Variants in LHFPL6 observed in about 807,000 individuals in gnomAD.
LHFPL6 encodes the protein LHFPL tetraspan subfamily member 6.
A neutral mutation model predicts 20.6 loss-of-function variants in LHFPL6; 9 were observed. That is an observed-to-expected ratio of 0.44 (90% CI 0.26 to 0.76). LHFPL6 has a LOEUF of 0.76. Ranked by LOEUF, LHFPL6 falls within the 30% of genes least tolerant of loss-of-function variation. The probability of loss-of-function intolerance (pLI) is 0.20; values close to 1 mark genes in which losing one functional copy is unlikely to be tolerated. For synonymous variants in LHFPL6, 105 were observed against 98.7 expected, an observed-to-expected ratio of 1.06 and a Z score of -0.38; for missense variants, 218 against 253.5, an observed-to-expected ratio of 0.86 and a Z score of 0.95.
chr13:39,543,613 G>A (rs940222527), intron 2 of LHFPL6, among the ~76,000 whole-genome samples: 7 of 142,364 alleles, frequency 4.9e-5, no homozygotes, highest in Admixed American at 7.3e-5. Flanking sequence ...CTGGCCCCCC[G>A]CAGACAAAAA....
At chr13:39,408,058 G>T (rs549363445) in intron 2 of LHFPL6, among the ~76,000 whole-genome samples, 87 of 152,262 alleles carry the variant, frequency 5.7e-4, no homozygotes, top group African/African-American at 2.0e-3. Flanking sequence ...ATGGTCTAAA[G>T]CAGGATGTTT....
intron 2 of LHFPL6, among the ~76,000 whole-genome samples, chr13:39,571,989 T>C (rs1363363980): frequency 6.6e-6 from 1 of 152,000 alleles, no homozygotes; most frequent in East Asian, 1.9e-4. Flanking sequence ...CTGCCGTGAG[T>C]TGGTGAAGGG....
intron 2 of LHFPL6, among the ~76,000 whole-genome samples, chr13:39,452,795 T>G (rs1449168727): frequency 6.6e-6 from 1 of 152,226 alleles, no homozygotes; most frequent in Non-Finnish European, 1.5e-5. Context: ...CCATTGATAG[T>G]ATTATTGGGA....
chr13:39,374,220 T>C (rs1023180909), intron 3 of LHFPL6, among the ~76,000 whole-genome samples: 8 of 152,158 alleles, frequency 5.3e-5, no homozygotes, highest in African/African-American at 1.9e-4. Flanking sequence ...TAATGTCCTT[T>C]GCAGCAACAT....
At chr13:39,384,064 G>A (rs1222436314) in intron 2 of LHFPL6, among the ~76,000 whole-genome samples, 1 of 152,136 alleles carries the variant, frequency 6.6e-6, no homozygotes, top group Non-Finnish European at 1.5e-5. Flanking sequence ...GAAATATCTG[G>A]AGTGGTTTCT....
chr13:39,528,936 A>G (rs1870374628), intron 2 of LHFPL6, among the ~76,000 whole-genome samples: 1 of 152,188 alleles, frequency 6.6e-6, no homozygotes, highest in South Asian at 2.1e-4. Flanking sequence ...GAATTACTCT[A>G]TCTTGTCAAA....
intron 2 of LHFPL6, among the ~76,000 whole-genome samples, chr13:39,524,876 G>A (rs1028462375): frequency 6.6e-6 from 1 of 152,098 alleles, no homozygotes; most frequent in African/African-American, 2.4e-5. Flanking sequence ...TATAACTGAG[G>A]GTTCTAACCA....
chr13:39,348,073 A>G (rs1268719851), intron 3 of LHFPL6, among the ~76,000 whole-genome samples: 2 of 152,238 alleles, frequency 1.3e-5, no homozygotes, highest in East Asian at 1.9e-4. Context: ...AGGGTTGGCT[A>G]TCAGAGGACA....
chr13:39,552,667 T>TA (rs1871173980), intron 2 of LHFPL6, among the ~76,000 whole-genome samples: 1 of 152,318 alleles, frequency 6.6e-6, no homozygotes, highest in South Asian at 2.1e-4. Context: ...ATAAGAATGA[T>TA]AGAGAAGAAC....
chr13:39,431,717 T>TG (rs34788149), intron 2 of LHFPL6, among the ~76,000 whole-genome samples: 17,869 of 95,318 alleles, frequency 0.19, 2,035 homozygotes, highest in East Asian at 0.42. Context: ...GTAGAATTTG[T>TG]GGGGGGGGGG....
chr13:39,390,321 C>T (rs1870672257), intron 2 of LHFPL6, among the ~76,000 whole-genome samples: 1 of 151,888 alleles, frequency 6.6e-6, no homozygotes, highest in Non-Finnish European at 1.5e-5. Context: ...CACAGCAAGA[C>T]TCCTTCTCTT....
chr13:39,511,219 T>C (rs928483112), intron 2 of LHFPL6, among the ~76,000 whole-genome samples: 1 of 152,132 alleles, frequency 6.6e-6, no homozygotes, highest in Non-Finnish European at 1.5e-5. Flanking sequence ...AAAAAAGTCA[T>C]GGGTATTTAA....
chr13:39,589,240 G>A (rs959473148), intron 2 of LHFPL6, among the ~76,000 whole-genome samples: 8 of 152,056 alleles, frequency 5.3e-5, no homozygotes, highest in East Asian at 3.9e-4. Context: ...CTGAGTAGCC[G>A]AGATTACAGG....
At chr13:39,582,249 G>A (rs372384146) in intron 2 of LHFPL6, among the ~76,000 whole-genome samples, 7 of 152,194 alleles carry the variant, frequency 4.6e-5, no homozygotes, top group Non-Finnish European at 8.8e-5. Context: ...GCCAAGTCAC[G>A]TCGACTGCAT....
chr13:39,498,421 C>T (rs1406035501), intron 2 of LHFPL6, among the ~76,000 whole-genome samples: 3 of 152,174 alleles, frequency 2.0e-5, no homozygotes, highest in East Asian at 3.8e-4. Flanking sequence ...ATGATTTGCA[C>T]GTTTTCTATC....
intron 2 of LHFPL6, among the ~76,000 whole-genome samples, chr13:39,463,661 A>C (rs1195747561): frequency 6.6e-6 from 1 of 152,148 alleles, no homozygotes; most frequent in Non-Finnish European, 1.5e-5. Flanking sequence ...TGAATATTTC[A>C]GCCACAGACT....
At chr13:39,386,476 G>A (rs1870566121) in intron 2 of LHFPL6, among the ~76,000 whole-genome samples, 1 of 152,084 alleles carries the variant, frequency 6.6e-6, no homozygotes, top group Non-Finnish European at 1.5e-5. Flanking sequence ...CCTGTCCAAG[G>A]ACACAGAGCT....
chr13:39,352,958 CAT>C lies in LHFPL6; in HGVS notation c.485-8906_485-8905del, dbSNP rs1258957854. ...ATATGTGTGTATATATATATACATA[CAT>C]ACACACACACACATATATATATATA... On this transcript the variant is annotated intron_variant, in intron 3 of 3. Coordinates refer to ENST00000379589, the MANE Select transcript of LHFPL6 (RefSeq NM_005780.3). Among the ~76,000 whole-genome samples, 8 of 66,464 alleles carry C rather than the reference CAT, an allele frequency of 1.2e-4. No individual in the cohort carries two copies. In the South Asian group the frequency reaches 1.9e-3, roughly 16 times the overall value. The allele number at this position is 66,464 out of a possible 152,430, so 43.6% of individuals were successfully genotyped here.
intron 2 of LHFPL6, among the ~76,000 whole-genome samples, chr13:39,554,725 G>A (rs995416805): frequency 6.6e-6 from 1 of 152,160 alleles, no homozygotes; most frequent in Admixed American, 6.5e-5. Context: ...TCCAATAGGC[G>A]TGTGTCCCCC....
Sources: gnomAD v4.1 joint callset for allele counts (sites outside exome capture counted in the v4.1 genomes callset) on GRCh38, gnomAD v4.1.1 for gene constraint, MANE v1.5 for transcripts, NCBI Gene and HGNC (gene_info 2026-07-23, HGNC 2026-07-21) for gene names.